The following FGGY variants were observed in gnomAD, a reference collection of about 807,000 sequenced individuals.
The protein encoded by FGGY is FGGY carbohydrate kinase domain-containing protein.
Under a neutral mutation model 71.3 loss-of-function variants are expected in FGGY, and 72 were observed. The observed-to-expected ratio is 1.01, with a 90% CI of 0.84 to 1.23. The LOEUF is 1.23. Among genes scored for constraint, FGGY ranks in the 50% most tolerant of loss-of-function variants. FGGY has a pLI of 0.00. For missense variants in FGGY, 668 were observed against 682.3 expected (o/e 0.98, Z 0.23); for synonymous variants, 251 against 250.3 (o/e 1.00, Z -0.02).
intron 4 of FGGY, among the ~76,000 whole-genome samples, chr1:59,356,019 G>A (rs2054245793): frequency 6.6e-6 from 1 of 152,020 alleles, no homozygotes; most frequent in Admixed American, 6.6e-5. Context: ...AATAAATAAT[G>A]AAAGAACTTG....
intron 6 of FGGY, among the ~76,000 whole-genome samples, chr1:59,498,991 A>G (rs2094134888): frequency 6.6e-6 from 1 of 152,152 alleles, no homozygotes; most frequent in Admixed American, 6.5e-5. Flanking sequence ...CTGTAGTAGA[A>G]GTTTCAAGGA....
At chr1:59,726,740 C>G (rs968251129) in intron 14 of FGGY, among the ~76,000 whole-genome samples, 1 of 151,994 alleles carries the variant, frequency 6.6e-6, no homozygotes. Context: ...CTCTTTTTAT[C>G]TTGATTACCC....
chr1:59,635,478 G>A (rs2096949086), intron 10 of FGGY, among the ~76,000 whole-genome samples: 1 of 151,034 alleles, frequency 6.6e-6, no homozygotes, highest in Admixed American at 6.6e-5. Context: ...TGACCCAGAT[G>A]TCTGAAACCA....
chr1:59,732,123 G>A (rs184832230), intron 14 of FGGY, among the ~76,000 whole-genome samples: 27 of 152,238 alleles, frequency 1.8e-4, no homozygotes, highest in Middle Eastern at 3.4e-3. Flanking sequence ...TCCAGTTCCT[G>A]GCACAGAGTG....
At chr1:59,698,482 T>C (rs898753948) in intron 14 of FGGY, among the ~76,000 whole-genome samples, 1 of 152,110 alleles carries the variant, frequency 6.6e-6, no homozygotes, top group Non-Finnish European at 1.5e-5. Flanking sequence ...TATAATGCTC[T>C]GGGAATCAGC....
At chr1:59,382,650 A>G (rs2059609025) in intron 5 of FGGY, among the ~76,000 whole-genome samples, 1 of 152,032 alleles carries the variant, frequency 6.6e-6, no homozygotes, top group Non-Finnish European at 1.5e-5. Context: ...AGGTTTTTTC[A>G]TCATTGTACA....
chr1:59,569,540 A>G (rs1199459334), intron 8 of FGGY, among the ~76,000 whole-genome samples: 1 of 152,152 alleles, frequency 6.6e-6, no homozygotes, highest in African/African-American at 2.4e-5. Flanking sequence ...AGCTGTTAGA[A>G]CCTGAAAGAA....
In FGGY at chr1:59,375,121, G is replaced by C. The variant is rs187179707; in HGVS notation, c.466-3628G>C. ...TCAAAAAAAAAAAAAATGGCAGGGT[G>C]TGGTGGCATGCACCTGTGTTCCCAG... On this transcript the variant is annotated intron_variant, in intron 4 of 15. Transcript: ENST00000303721. Among the ~76,000 whole-genome samples the C allele has an allele frequency of 2.9e-3, 441 of 151,122 alleles. 4 individuals carry two copies. Among genetic ancestry groups the C allele is most frequent in the African/African-American group, 9.7e-3 (399 of 41,276 alleles).
intron 14 of FGGY, among the ~76,000 whole-genome samples, chr1:59,706,124 C>T (rs750070117): frequency 5.9e-5 from 9 of 152,312 alleles, no homozygotes; most frequent in East Asian, 1.9e-4. Context: ...CATTGTGGAT[C>T]GTAAACTCAC....
intron 2 of FGGY, among the ~76,000 whole-genome samples, chr1:59,337,872 A>G (rs918744350): frequency 3.9e-5 from 6 of 152,196 alleles, no homozygotes; most frequent in Admixed American, 2.0e-4. Flanking sequence ...CTTTATTGCA[A>G]TGGCTAGAAG....
At chr1:59,378,613 C>G (rs756022187) in intron 4 of FGGY, 136 bp from the exon 5 acceptor site, 480 of 643,656 alleles carry the variant, frequency 7.5e-4, no homozygotes, top group Non-Finnish European at 1.2e-3. Context: ...TATTCCTACC[C>G]CCACCAAGCT....
At chr1:59,398,455 T>C (rs1571611142) in intron 5 of FGGY, among the ~76,000 whole-genome samples, 1 of 152,168 alleles carries the variant, frequency 6.6e-6, no homozygotes, top group Non-Finnish European at 1.5e-5. Context: ...GCCAGGCTGG[T>C]CTTGAACTCC....
intron 7 of FGGY, among the ~76,000 whole-genome samples, chr1:59,548,200 G>A (rs1348216054): frequency 6.6e-6 from 1 of 152,154 alleles, no homozygotes; most frequent in East Asian, 1.9e-4. Flanking sequence ...GTGTTCCCCA[G>A]GATTGTTATG....
intron 3 of FGGY, among the ~76,000 whole-genome samples, chr1:59,345,146 T>G (rs147590383): frequency 1.3e-5 from 2 of 152,294 alleles, no homozygotes; most frequent in East Asian, 1.9e-4. Context: ...ATGTGTAAAA[T>G]GTTTAGCACA....
At chr1:59,676,720 G>A (rs2153983330) in intron 14 of FGGY, among the ~76,000 whole-genome samples, 2 of 152,212 alleles carry the variant, frequency 1.3e-5, no homozygotes, top group South Asian at 4.2e-4. Flanking sequence ...AAGGCTCACA[G>A]CATTGTAAAG....
At chr1:59,412,171 G>A (rs928014936) in intron 5 of FGGY, among the ~76,000 whole-genome samples, 3 of 152,118 alleles carry the variant, frequency 2.0e-5, no homozygotes, top group African/African-American at 4.8e-5. Flanking sequence ...TACAGTATAA[G>A]CTGACAGTAC....
intron 14 of FGGY, among the ~76,000 whole-genome samples, chr1:59,748,996 C>G (rs2101636768): frequency 6.6e-6 from 1 of 152,256 alleles, no homozygotes; most frequent in South Asian, 2.1e-4. Flanking sequence ...ATGATTTACT[C>G]AATTATACCT....
intron 2 of FGGY, among the ~76,000 whole-genome samples, chr1:59,330,337 C>G (rs1180417638): frequency 6.6e-6 from 1 of 151,852 alleles, no homozygotes; most frequent in East Asian, 1.9e-4. Context: ...TTGGGAGGCC[C>G]AGGTGGGCAG....
intron 8 of FGGY, among the ~76,000 whole-genome samples, chr1:59,569,199 C>T (rs1303698650): frequency 6.6e-6 from 1 of 151,994 alleles, no homozygotes; most frequent in African/African-American, 2.4e-5. Context: ...GGCTAATTGT[C>T]GAATCCCTGA....
Sources: gnomAD v4.1 joint callset for allele counts (sites outside exome capture counted in the v4.1 genomes callset) on GRCh38, gnomAD v4.1.1 for gene constraint, MANE v1.5 for transcripts, NCBI Gene and HGNC (gene_info 2026-07-23, HGNC 2026-07-21) for gene names.